The following IFNAR2 variants were observed in gnomAD, a reference collection of about 807,000 sequenced individuals.
The protein encoded by IFNAR2 is interferon alpha and beta receptor subunit 2, also known as interferon alpha/beta receptor 2.
Under a neutral mutation model 49.4 loss-of-function variants are expected in IFNAR2, and 30 were observed. That is an observed-to-expected ratio of 0.61 (90% CI 0.45 to 0.82). The LOEUF is 0.82. IFNAR2 is among the 40% of genes least tolerant of loss of function. The pLI is 0.00. For missense variants in IFNAR2, 600 were observed against 622.7 expected, an observed-to-expected ratio of 0.96 and a Z score of 0.39; for synonymous variants, 224 against 234.5, an observed-to-expected ratio of 0.96 and a Z score of 0.41.
At chr21:33,262,096 G>A (rs2123536398) in intron 8 of IFNAR2, among the ~76,000 whole-genome samples, 1 of 152,140 alleles carries the variant, frequency 6.6e-6, no homozygotes, top group Admixed American at 6.5e-5. Context: ...GGCCAGGCGC[G>A]GTGGCCACGC....
chr21:33,254,786 C>A (rs529810678), intron 7 of IFNAR2, among the ~76,000 whole-genome samples: 1 of 152,158 alleles, frequency 6.6e-6, no homozygotes, highest in African/African-American at 2.4e-5. Flanking sequence ...TTGATTGATG[C>A]CTTATGTCTC....
intron 4 of IFNAR2, 139 bp from the exon 5 acceptor site, chr21:33,246,579 A>G (rs1380570871): frequency 1.6e-6 from 1 of 638,606 alleles, no homozygotes; most frequent in East Asian, 2.8e-5. Context: ...CATTTTCAAT[A>G]AGATGGTTGG....
chr21:33,262,669 C>A (rs770380101), intron 8 of IFNAR2, 124 bp from the exon 9 acceptor site: 10 of 1,386,834 alleles, frequency 7.2e-6, no homozygotes, highest in Admixed American at 1.7e-5. Flanking sequence ...CCTAAGCTTC[C>A]CCAGTAGCTG....
chr21:33,240,195 G>A (rs1454750479), intron 1 of IFNAR2, among the ~76,000 whole-genome samples: 4 of 152,156 alleles, frequency 2.6e-5, no homozygotes, highest in Admixed American at 2.6e-4. Context: ...GGGCAAAGAT[G>A]GACCTTTTAT....
intron 1 of IFNAR2, among the ~76,000 whole-genome samples, chr21:33,239,010 C>T (rs1009843850): frequency 6.6e-6 from 1 of 152,178 alleles, no homozygotes; most frequent in South Asian, 2.1e-4. Context: ...CTCTAAGAAG[C>T]AACGGTAGGG....
chr21:33,244,890 C>T lies in IFNAR2; in HGVS notation c.98-61C>T. On this transcript the variant is annotated intron_variant, in intron 3 of 8. Coordinates refer to ENST00000342136, the MANE Select transcript of IFNAR2 (RefSeq NM_001289125.3). ...TTCTAGATCCCAAGAAATGACTGAA[C>T]AGTGGCCAGAATACAACTGTGGGTT... is the stretch of plus-strand genomic sequence containing the variant. 4 of 1,565,576 alleles carry T rather than the reference C, an allele frequency of 2.6e-6. No individual in the cohort carries two copies. In the South Asian group the frequency reaches 4.5e-5, roughly 18 times the overall value.
chr21:33,255,969 A>G (rs1017764434), intron 7 of IFNAR2, among the ~76,000 whole-genome samples: 7 of 152,226 alleles, frequency 4.6e-5, no homozygotes, highest in African/African-American at 1.7e-4. Context: ...TCCAGGAACT[A>G]GGGACAAAGA....
chr21:33,261,204 T>G (rs529945374), intron 8 of IFNAR2, among the ~76,000 whole-genome samples: 14 of 152,098 alleles, frequency 9.2e-5, no homozygotes, highest in African/African-American at 3.1e-4. Flanking sequence ...ACCTGGCTAA[T>G]TTTTGCATTT....
At chr21:33,234,199 G>T (rs1280308100) in intron 1 of IFNAR2, among the ~76,000 whole-genome samples, 1 of 151,256 alleles carries the variant, frequency 6.6e-6, no homozygotes, top group Admixed American at 6.6e-5. Flanking sequence ...GTGTGTGTGT[G>T]TGTGTGTGTG....
Position 33,230,466 on chromosome 21 carries a change from C to T in IFNAR2, c.-84+250C>T, listed in dbSNP as rs1197363333. 9 of 470,654 alleles carry T rather than the reference C, an allele frequency of 1.9e-5. No individual in the cohort carries two copies. In the East Asian group the frequency reaches 4.2e-4, roughly 22 times the overall value. 29.2% of individuals were successfully genotyped at this position (470,654 alleles called of 1,614,324 possible). Reference sequence around the variant, plus strand: ...TGTCCTGCGCCCTCCACGCGTCGCCCCTGCTGGGAGTCCGCTTTCGTTGCA... The same window carrying T: ...TGTCCTGCGCCCTCCACGCGTCGCCTCTGCTGGGAGTCCGCTTTCGTTGCA... On this transcript the variant is annotated intron_variant, in intron 1 of 8. Coordinates refer to ENST00000342136, the MANE Select transcript of IFNAR2 (RefSeq NM_001289125.3). This position sits in a 1 kb window ranked among gnomAD's most constrained non-coding sequence, Gnocchi z 5.5.
chr21:33,230,461 TC>T lies in IFNAR2; in HGVS notation c.-84+246del, dbSNP rs1985963554. The T allele has an allele frequency of 6.4e-6, 3 of 469,984 alleles. No homozygotes were observed. Among genetic ancestry groups the T allele is most frequent in the South Asian group, 4.7e-5 (3 of 64,184 alleles). The allele number at this position is 469,984 out of a possible 1,614,324, so 29.1% of individuals were successfully genotyped here. On this transcript the variant is annotated intron_variant, in intron 1 of 8. Coordinates refer to ENST00000342136, the MANE Select transcript of IFNAR2 (RefSeq NM_001289125.3). The surrounding 1 kb of genome is among the most constrained non-coding windows in gnomAD (Gnocchi z 5.5). ...GGCCCTGTCCTGCGCCCTCCACGCG[TC>T]GCCCCTGCTGGGAGTCCGCTTTCGT... is the stretch of plus-strand genomic sequence containing the variant.
chr21:33,247,951 A>G (rs1987562628), intron 5 of IFNAR2, among the ~76,000 whole-genome samples: 1 of 152,272 alleles, frequency 6.6e-6, no homozygotes, highest in Non-Finnish European at 1.5e-5. Context: ...ATAAACAGAC[A>G]TCTGTGTGTA....
At position 33,248,847 on chromosome 21, in the gene IFNAR2, T is replaced by A. The variant is rs1295137733; in HGVS notation, c.533T>A (p.Val178Asp). ...ATTGAAGAACAGTCAGAGGGAATTG[T>A]TAAGAAGGTAAGTGGCTTCTCCTGT... is the stretch of plus-strand genomic sequence containing the variant. The part of the protein sequence containing the change: ...LVIEEQSEGI[V>D]KKHKPEIKGN... The change falls in exon 6 of 9, where the codon GTT becomes GAT. Residue 178 changes from valine (V) to aspartate (D), a missense_variant. Transcript: ENST00000342136. 8 of 1,600,882 alleles carry A rather than the reference T, an allele frequency of 5.0e-6. No homozygotes were observed. In the East Asian group the frequency reaches 1.4e-4, roughly 27 times the overall value.
At chr21:33,253,973 A>AGTAG (rs1988041253) in intron 7 of IFNAR2, among the ~76,000 whole-genome samples, 1 of 152,210 alleles carries the variant, frequency 6.6e-6, no homozygotes, top group Admixed American at 6.5e-5. Context: ...AATGCAGCCC[A>AGTAG]GTAGGTCCCA....
At chr21:33,256,917 C>G (rs548374063) in intron 7 of IFNAR2, among the ~76,000 whole-genome samples, 5 of 152,126 alleles carry the variant, frequency 3.3e-5, no homozygotes, top group Non-Finnish European at 5.9e-5. Context: ...TTGAGGAGAG[C>G]AGGTTGCTGT....
rs1410888242 is a variant in IFNAR2 at position 33,264,487 on chromosome 21, T to A, written c.*987T>A. ...GGAAACATGGCGTCGGGGAGAGGGATAAAACCTGAATGCCATATTTTAAGT... is the reference window on the plus strand; with the variant it reads ...GGAAACATGGCGTCGGGGAGAGGGAAAAAACCTGAATGCCATATTTTAAGT... On this transcript the variant is annotated 3_prime_UTR_variant, in exon 9 of 9. Coordinates refer to ENST00000342136, the MANE Select transcript of IFNAR2 (RefSeq NM_001289125.3). The A allele has an allele frequency of 6.7e-6, 1 of 149,828 alleles. No homozygotes were observed. Among genetic ancestry groups the A allele is most frequent in the Admixed American group, 6.6e-5 (1 of 15,064 alleles). 9.3% of individuals were successfully genotyped at this position (149,828 alleles called of 1,614,324 possible). A position where few individuals can be genotyped will look rare whatever the true frequency, so the allele number is the denominator to read the frequency against.
chr21:33,243,624 T>G lies in IFNAR2; in HGVS notation c.56-49T>G, dbSNP rs370674701. ...CAGACTTAGAGTAATCATTGCAAGT[T>G]GAGCCCAGATAAAACTATTGCCTCT... On this transcript the variant is annotated intron_variant, in intron 2 of 8. Transcript: ENST00000342136. The G allele has an allele frequency of 2.5e-5, 38 of 1,499,904 alleles. No homozygotes were observed. In the Middle Eastern group the frequency reaches 6.8e-4, roughly 27 times the overall value. 92.9% of individuals were successfully genotyped at this position (1,499,904 alleles called of 1,614,324 possible). A position where few individuals can be genotyped will look rare whatever the true frequency, so the allele number is the denominator to read the frequency against.
At chr21:33,247,254 C>CTTTTTTTTTTTTTTTTTTTTTTT (rs59707670) in intron 5 of IFNAR2, among the ~76,000 whole-genome samples, 4 of 91,572 alleles carry the variant, frequency 4.4e-5, no homozygotes, top group African/African-American at 1.3e-4. Flanking sequence ...TTCTTTCTTT[C>CTTTTTTTTTTTTTTTTTTTTTTT]TTTTTTTTTT....
rs968523260 is a variant in IFNAR2 at position 33,263,240 on chromosome 21, G to T, written c.1288G>T (p.Val430Leu). 3.1e-6 allele frequency: 5 copies of T among 1,614,100 alleles called. No homozygotes were observed. Among genetic ancestry groups the T allele is most frequent in the African/African-American group, 1.3e-5 (1 of 74,918 alleles). ...TACCTTCAATGTGGACTTAAACTCT[G>T]TGTTTTTGAGAGTTCTTGATGACGA... The part of the protein sequence containing the change: ...RITFNVDLNS[V>L]FLRVLDDEDS... The change falls in exon 9 of 9, where the codon GTG becomes TTG. Residue 430 changes from valine to leucine, a missense_variant. Physicochemically the swap from Val to Leu is conservative, Grantham distance 32. Coordinates refer to ENST00000342136, the MANE Select transcript of IFNAR2 (RefSeq NM_001289125.3).
Sources: gnomAD v4.1 joint callset for allele counts (sites outside exome capture counted in the v4.1 genomes callset) on GRCh38, gnomAD v4.1.1 for gene constraint, Gnocchi (gnomAD v3.1) non-coding constraint, MANE v1.5 for transcripts, NCBI Gene and HGNC (gene_info 2026-07-23, HGNC 2026-07-21) for gene names.